PTPRR: variants seen among roughly 807,000 people sequenced by gnomAD.
The protein encoded by PTPRR is receptor-type tyrosine-protein phosphatase R.
Under a neutral mutation model 77.2 loss-of-function variants are expected in PTPRR, and 38 were observed. The observed-to-expected ratio is 0.49, with a 90% CI of 0.38 to 0.65. The LOEUF is 0.65. Ranked by LOEUF, PTPRR falls within the 30% of genes least tolerant of loss-of-function variation. The pLI, the probability that PTPRR is intolerant of heterozygous loss-of-function variation, is 0.00. For synonymous variants in PTPRR, 299 were observed against 283.1 expected (o/e 1.06, Z -0.57); for missense variants, 744 against 799.2 (o/e 0.93, Z 0.83).
At chr12:70,905,686 T>C (rs1283259399) in intron 1 of PTPRR, among the ~76,000 whole-genome samples, 1 of 151,926 alleles carries the variant, frequency 6.6e-6, no homozygotes, top group Non-Finnish European at 1.5e-5. Flanking sequence ...TTATTTCAAA[T>C]TCAGTGTTGG....
chr12:70,842,280 T>C (rs1212677153), intron 2 of PTPRR, among the ~76,000 whole-genome samples: 1 of 152,250 alleles, frequency 6.6e-6, no homozygotes, highest in African/African-American at 2.4e-5. Flanking sequence ...CTTTTGGAAC[T>C]GTTTGTTTAG....
intron 13 of PTPRR, among the ~76,000 whole-genome samples, chr12:70,641,342 A>G (rs1885991870): frequency 6.6e-6 from 1 of 152,190 alleles, no homozygotes; most frequent in African/African-American, 2.4e-5. Flanking sequence ...CCTCACTTTG[A>G]GGCAAGATTT....
At chr12:70,800,985 A>C (rs1367087867) in intron 2 of PTPRR, among the ~76,000 whole-genome samples, 1 of 152,122 alleles carries the variant, frequency 6.6e-6, no homozygotes, top group Non-Finnish European at 1.5e-5. Context: ...CCCACCACAC[A>C]TGGTGTGGTA....
chr12:70,701,064 C>G, intron 7 of PTPRR, 73 bp downstream of exon 7: 1 of 1,510,340 alleles, frequency 6.6e-7, no homozygotes, highest in Non-Finnish European at 9.1e-7. Flanking sequence ...AGGACAGTAT[C>G]ATTTCCATAC....
chr12:70,722,881 A>G (rs1456296065), intron 6 of PTPRR, among the ~76,000 whole-genome samples: 1 of 152,168 alleles, frequency 6.6e-6, no homozygotes, highest in Non-Finnish European at 1.5e-5. Flanking sequence ...TACTCAAGAA[A>G]ATTCACATTT....
intron 2 of PTPRR, among the ~76,000 whole-genome samples, chr12:70,792,874 A>T (rs551550861): frequency 6.6e-6 from 1 of 152,354 alleles, no homozygotes; most frequent in East Asian, 1.9e-4. Flanking sequence ...TCAGAGCAAC[A>T]TTAATTCTTC....
At chr12:70,907,369 A>T (rs1193519302) in intron 1 of PTPRR, among the ~76,000 whole-genome samples, 1 of 152,156 alleles carries the variant, frequency 6.6e-6, no homozygotes, top group Non-Finnish European at 1.5e-5. Context: ...TATTAGGAAA[A>T]GTGGCTCCTC....
At chr12:70,699,196 A>C (rs1888335689) in intron 7 of PTPRR, among the ~76,000 whole-genome samples, 1 of 152,236 alleles carries the variant, frequency 6.6e-6, no homozygotes, top group Admixed American at 6.5e-5. Flanking sequence ...GATTAACATG[A>C]ACAAAATAAC....
At chr12:70,720,514 T>A (rs925063585) in intron 6 of PTPRR, among the ~76,000 whole-genome samples, 172 of 149,870 alleles carry the variant, frequency 1.1e-3, no homozygotes, top group Non-Finnish European at 2.0e-3. Context: ...TGGTAATTTT[T>A]TTTTTTTTTT....
At chr12:70,895,622 G>C (rs1444471038) in intron 1 of PTPRR, among the ~76,000 whole-genome samples, 1 of 151,536 alleles carries the variant, frequency 6.6e-6, no homozygotes, top group Admixed American at 6.6e-5. Flanking sequence ...CTGTATCAGA[G>C]CTACCCGGGA....
At position 70,661,323 on chromosome 12, in the gene PTPRR, A is replaced by G. The variant is rs1206984805; in HGVS notation, c.1609-226T>C. 4 of 584,770 alleles carry G rather than the reference A, an allele frequency of 6.8e-6. No homozygotes were observed. The African/African-American group carries it at 7.5e-5, about 11-fold the overall frequency. The allele number at this position is 584,770 out of a possible 1,614,324, so 36.2% of individuals were successfully genotyped here. A position where few individuals can be genotyped will look rare whatever the true frequency, so the allele number is the denominator to read the frequency against. Reference sequence around the variant, plus strand: ...AAGTCATACCTTTGTTGAGATTTACATCTCTACCTATAGTTATAATATAGA... The same window carrying G: ...AAGTCATACCTTTGTTGAGATTTACGTCTCTACCTATAGTTATAATATAGA... On this transcript the variant is annotated intron_variant, in intron 11 of 13. Coordinates refer to ENST00000283228, the MANE Select transcript of PTPRR (RefSeq NM_002849.4).
chr12:70,886,690 G>T (rs1277239141), intron 2 of PTPRR, among the ~76,000 whole-genome samples: 4 of 151,960 alleles, frequency 2.6e-5, no homozygotes, highest in African/African-American at 9.7e-5. Context: ...TCATATAATG[G>T]GTAATTAAGT....
chr12:70,710,661 A>G (rs1037365730), intron 6 of PTPRR, among the ~76,000 whole-genome samples: 1 of 152,144 alleles, frequency 6.6e-6, no homozygotes, highest in Non-Finnish European at 1.5e-5. Flanking sequence ...TGCATCAGAC[A>G]AAGGTCTAAT....
intron 2 of PTPRR, among the ~76,000 whole-genome samples, chr12:70,875,014 A>G (rs537456247): frequency 3.3e-5 from 5 of 152,126 alleles, no homozygotes; most frequent in African/African-American, 1.2e-4. Context: ...ATGTACAAAG[A>G]TCTTTTTATA....
chr12:70,677,379 C>T (rs1887488774), intron 10 of PTPRR, among the ~76,000 whole-genome samples: 1 of 152,038 alleles, frequency 6.6e-6, no homozygotes, highest in Non-Finnish European at 1.5e-5. Context: ...TAGTTTGACG[C>T]CTTCCTTTCC....
At chr12:70,815,085 C>A (rs1891877358) in intron 2 of PTPRR, among the ~76,000 whole-genome samples, 1 of 146,206 alleles carries the variant, frequency 6.8e-6, no homozygotes. Flanking sequence ...GCTCCATACA[C>A]TTAATAAGTA....
At chr12:70,677,705 T>G (rs1349776824) in intron 10 of PTPRR, among the ~76,000 whole-genome samples, 1 of 152,252 alleles carries the variant, frequency 6.6e-6, no homozygotes, top group East Asian at 1.9e-4. Flanking sequence ...TGATGTATCA[T>G]ATTTATTAGT....
chr12:70,756,749 A>G (rs1890573527), intron 4 of PTPRR, among the ~76,000 whole-genome samples: 1 of 152,140 alleles, frequency 6.6e-6, no homozygotes, highest in Non-Finnish European at 1.5e-5. Context: ...TTGATGCACT[A>G]TAGCTCATTC....
chr12:70,834,827 C>G (rs998838633), intron 2 of PTPRR, among the ~76,000 whole-genome samples: 1 of 152,062 alleles, frequency 6.6e-6, no homozygotes, highest in African/African-American at 2.4e-5. Context: ...TGATCATTTG[C>G]CTTCCTGGCT....
Sources: allele counts gnomAD v4.1 joint callset (sites outside exome capture counted in the v4.1 genomes callset), GRCh38; gene constraint gnomAD v4.1.1; transcripts MANE v1.5; gene names NCBI Gene and HGNC (gene_info 2026-07-23, HGNC 2026-07-21).